ADAMTSL1: variants seen among roughly 807,000 people sequenced by gnomAD.
ADAMTSL1 encodes the protein ADAMTS like 1.
Under a neutral mutation model 201.8 loss-of-function variants are expected in ADAMTSL1, and 126 were observed. The ratio of observed to expected loss-of-function variants is 0.62; its 90% CI spans 0.54 to 0.72. The LOEUF is 0.72. ADAMTSL1 is among the 30% of genes least tolerant of loss of function. The pLI is 0.00. For synonymous variants in ADAMTSL1, 1,121 were observed against 903.4 expected (o/e 1.24, Z -4.32); for missense variants, 2,679 against 2,277.8 (o/e 1.18, Z -3.59).
chr9:18,795,308 C>T (rs1473343744), intron 19 of ADAMTSL1, 89 bp from the exon 20 acceptor site: 3 of 1,555,510 alleles, frequency 1.9e-6, no homozygotes, highest in Non-Finnish European at 2.6e-6. Context: ...TGCATACACC[C>T]TGAGGTTCCT....
chr9:18,183,806 C>T (rs961427686), intron 2 of ADAMTSL1, among the ~76,000 whole-genome samples: 2 of 152,184 alleles, frequency 1.3e-5, no homozygotes, highest in Non-Finnish European at 2.9e-5. Context: ...TTGGACGTAA[C>T]TTTACTATTC....
chr9:18,647,979 C>A (rs374004294), intron 7 of ADAMTSL1, among the ~76,000 whole-genome samples: 2 of 149,926 alleles, frequency 1.3e-5, no homozygotes, highest in East Asian at 3.9e-4. Flanking sequence ...CTAATGTTGA[C>A]AGTGGGGTGT....
intron 1 of ADAMTSL1, among the ~76,000 whole-genome samples, chr9:18,104,516 C>A (rs916669131): frequency 1.3e-5 from 2 of 152,100 alleles, no homozygotes; most frequent in African/African-American, 4.8e-5. Context: ...CACACTTGGG[C>A]TACCTCTGGG....
At chr9:18,227,954 G>C (rs754237789) in intron 2 of ADAMTSL1, among the ~76,000 whole-genome samples, 25 of 152,196 alleles carry the variant, frequency 1.6e-4, no homozygotes, top group Middle Eastern at 3.4e-3. Flanking sequence ...TCATTGTTTG[G>C]AACTCACAAT....
At chr9:18,404,972 T>C (rs780659748) in intron 2 of ADAMTSL1, among the ~76,000 whole-genome samples, 1 of 152,176 alleles carries the variant, frequency 6.6e-6, no homozygotes, top group Admixed American at 6.5e-5. Context: ...TAGTCTGCCA[T>C]TGAGTCTGGC....
At chr9:18,261,148 G>A (rs1831906612) in intron 2 of ADAMTSL1, among the ~76,000 whole-genome samples, 1 of 151,792 alleles carries the variant, frequency 6.6e-6, no homozygotes, top group Non-Finnish European at 1.5e-5. Flanking sequence ...GAGAGTGGCA[G>A]TCTGTCCAGC....
chr9:18,554,185 G>C (rs1820966420), intron 3 of ADAMTSL1, among the ~76,000 whole-genome samples: 1 of 150,690 alleles, frequency 6.6e-6, no homozygotes, highest in African/African-American at 2.4e-5. Context: ...AAATCTACAT[G>C]ATGACACCTG....
chr9:18,757,795 G>A (rs1819857978), intron 16 of ADAMTSL1, among the ~76,000 whole-genome samples: 1 of 152,142 alleles, frequency 6.6e-6, no homozygotes, highest in Non-Finnish European at 1.5e-5. Flanking sequence ...CAGAGACCAA[G>A]TCTCAGACCC....
At chr9:18,296,067 C>A (rs10124717) in intron 2 of ADAMTSL1, among the ~76,000 whole-genome samples, 24,122 of 152,036 alleles carry the variant, frequency 0.16, 2,697 homozygotes, top group Admixed American at 0.38. Flanking sequence ...TCTAAACAAG[C>A]CTTTAGGCCT....
At chr9:18,431,241 G>C (rs538995725) in intron 2 of ADAMTSL1, among the ~76,000 whole-genome samples, 1 of 152,186 alleles carries the variant, frequency 6.6e-6, no homozygotes, top group Non-Finnish European at 1.5e-5. Flanking sequence ...TTGAGATGTT[G>C]AATTCATATG....
At chr9:18,100,858 A>G (rs1363916969) in intron 1 of ADAMTSL1, among the ~76,000 whole-genome samples, 1 of 152,208 alleles carries the variant, frequency 6.6e-6, no homozygotes, top group Non-Finnish European at 1.5e-5. Flanking sequence ...GTTTTCCAGT[A>G]AACACCTGTT....
intron 1 of ADAMTSL1, among the ~76,000 whole-genome samples, chr9:18,078,959 A>G (rs1292521331): frequency 1.3e-5 from 2 of 152,186 alleles, no homozygotes; most frequent in East Asian, 1.9e-4. Context: ...TGGCTCCCAT[A>G]TCAGAGTAGT....
chr9:18,359,982 C>G (rs1297521078), intron 2 of ADAMTSL1, among the ~76,000 whole-genome samples: 2 of 151,998 alleles, frequency 1.3e-5, no homozygotes, highest in African/African-American at 4.8e-5. Context: ...AATGTTAACC[C>G]TCCATAATTA....
intron 2 of ADAMTSL1, among the ~76,000 whole-genome samples, chr9:18,519,382 G>T (rs375963759): frequency 1.3e-5 from 2 of 152,152 alleles, no homozygotes; most frequent in Non-Finnish European, 2.9e-5. Context: ...GGGCTGAATC[G>T]CAAAGTCTCC....
At chr9:18,154,947 A>AT (rs1036610980) in intron 1 of ADAMTSL1, among the ~76,000 whole-genome samples, 5 of 151,952 alleles carry the variant, frequency 3.3e-5, no homozygotes, top group African/African-American at 1.2e-4. Flanking sequence ...GTGTATTTAC[A>AT]TTTTTCAGAG....
chr9:18,237,118 T>C (rs1221188318), intron 2 of ADAMTSL1, among the ~76,000 whole-genome samples: 1 of 152,242 alleles, frequency 6.6e-6, no homozygotes, highest in African/African-American at 2.4e-5. Flanking sequence ...ACTAATGTAC[T>C]TCTTTAATTC....
chr9:18,066,266 C>G (rs1274432870), intron 1 of ADAMTSL1, among the ~76,000 whole-genome samples: 4 of 151,992 alleles, frequency 2.6e-5, no homozygotes, highest in Admixed American at 6.5e-5. Flanking sequence ...AACTGAAGCA[C>G]CAATAATAGA....
intron 23 of ADAMTSL1, among the ~76,000 whole-genome samples, chr9:18,838,676 A>T (rs72692435): frequency 0.078 from 11,806 of 151,886 alleles, 597 homozygotes; most frequent in East Asian, 0.17. Flanking sequence ...AAATTTTTTT[A>T]AAATATAACT....
At chr9:18,414,145 A>T (rs950633408) in intron 2 of ADAMTSL1, among the ~76,000 whole-genome samples, 1 of 152,210 alleles carries the variant, frequency 6.6e-6, no homozygotes, top group African/African-American at 2.4e-5. Context: ...TAAGGCTAAT[A>T]TCATAAAATT....
Sources: allele counts gnomAD v4.1 joint callset (sites outside exome capture counted in the v4.1 genomes callset), GRCh38; gene constraint gnomAD v4.1.1; transcripts MANE v1.5; gene names NCBI Gene and HGNC (gene_info 2026-07-23, HGNC 2026-07-21).